The following PCDHGB2 variants were observed in gnomAD, a reference collection of about 807,000 sequenced individuals.
PCDHGB2 encodes protocadherin gamma-B2.
A neutral mutation model predicts 59.3 loss-of-function variants in PCDHGB2; 55 were observed. The observed-to-expected ratio is 0.93, with a 90% CI of 0.75 to 1.16. The LOEUF (loss-of-function observed/expected upper bound fraction) is 1.16, where lower values mean the gene tolerates loss of function less well. Among genes scored for constraint, PCDHGB2 ranks in the 50% most tolerant of loss-of-function variants. The pLI, the probability that PCDHGB2 is intolerant of heterozygous loss-of-function variation, is 0.00. For synonymous variants in PCDHGB2, 516 were observed against 512.0 expected (o/e 1.01, Z -0.11); for missense variants, 1,228 against 1,198.5 (o/e 1.02, Z -0.36).
rs747671382 is a variant in PCDHGB2 at position 141,444,152 on chromosome 5, ATTTTTTTTTTTTTTTTTTTT to A, written c.2422-50638_2422-50619del. ...GATATGTGTCACTTGTGTGTACTGG[ATTTTTTTTTTTTTTTTTTTT>A]TTTTTTTTTTTTTTTTGAGATGGAG... On this transcript the variant is annotated intron_variant, in intron 1 of 3. Transcript: ENST00000522605. 2.4e-4 allele frequency among the ~76,000 whole-genome samples: 8 copies of A among 33,898 alleles called. No homozygotes were observed. In the East Asian group the frequency reaches 3.0e-3, roughly 13 times the overall value. 22.2% of individuals were successfully genotyped at this position (33,898 alleles called of 152,430 possible). A position where few individuals can be genotyped will look rare whatever the true frequency, so the allele number is the denominator to read the frequency against.
At chr5:141,398,695 A>G (rs753760185) in intron 1 of PCDHGB2, 3 of 1,613,784 alleles carry the variant, frequency 1.9e-6, no homozygotes, top group Non-Finnish European at 2.5e-6. Flanking sequence ...GGATGGTAGT[A>G]AATACCCGGA....
intron 1 of PCDHGB2, chr5:141,372,223 A>G: frequency 6.2e-7 from 1 of 1,613,464 alleles, no homozygotes; most frequent in Non-Finnish European, 8.5e-7. Context: ...CACATTGTGC[A>G]GGCCAGCGAG....
rs2098293800 is a variant in PCDHGB2 at position 141,442,043 on chromosome 5, A to G, written c.2422-52764A>G. The G allele has an allele frequency of 1.9e-5, 4 of 205,506 alleles. No homozygotes were observed. In the South Asian group the frequency reaches 2.4e-4, roughly 12 times the overall value. The allele number at this position is 205,506 out of a possible 1,614,324, so 12.7% of individuals were successfully genotyped here. A position where few individuals can be genotyped will look rare whatever the true frequency, so the allele number is the denominator to read the frequency against. On this transcript the variant is annotated intron_variant, in intron 1 of 3. Transcript: ENST00000522605. ...ACAGGAAAGCGACTCGCCAGCGCCTACTGGTCGCGGTGCACTGCGGTGGAC... is the reference window on the plus strand; with the variant it reads ...ACAGGAAAGCGACTCGCCAGCGCCTGCTGGTCGCGGTGCACTGCGGTGGAC...
chr5:141,464,980 GATCCT>G (rs2154568684), intron 1 of PCDHGB2, among the ~76,000 whole-genome samples: 1 of 151,990 alleles, frequency 6.6e-6, no homozygotes, highest in East Asian at 1.9e-4. Flanking sequence ...GGCTTCAAGT[GATCCT>G]CCCACCTCAG....
chr5:141,473,362 C>G (rs2099320242), intron 1 of PCDHGB2, among the ~76,000 whole-genome samples: 1 of 152,166 alleles, frequency 6.6e-6, no homozygotes, highest in South Asian at 2.1e-4. Flanking sequence ...AAGTGGCCAC[C>G]AAAATAGCAT....
chr5:141,487,196 G>A lies in PCDHGB2; in HGVS notation c.2422-7611G>A. On this transcript the variant is annotated intron_variant, in intron 1 of 3. Coordinates refer to ENST00000522605, the MANE Select transcript of PCDHGB2 (RefSeq NM_018923.3). This position sits in a 1 kb window ranked among gnomAD's most constrained non-coding sequence, Gnocchi z 5.0. Reference sequence around the variant, plus strand: ...GGAAGACACTCATCCAGTTGTCCCAGATCTTCGAGAATCTTCAGCTCCAAG... The same window carrying A: ...GGAAGACACTCATCCAGTTGTCCCAAATCTTCGAGAATCTTCAGCTCCAAG... The A allele has an allele frequency of 1.2e-6, 2 of 1,613,878 alleles. No homozygotes were observed. The highest frequency in any genetic ancestry group is 8.5e-7 in the Non-Finnish European group (1 of 1,179,796).
chr5:141,485,172 CA>C lies in PCDHGB2; in HGVS notation c.2422-9633del. 6.2e-7 allele frequency: 1 copy of C among 1,610,166 alleles called. No individual in the cohort carries two copies. Among genetic ancestry groups the C allele is most frequent in the Non-Finnish European group, 8.5e-7 (1 of 1,176,940 alleles). On this transcript the variant is annotated intron_variant, in intron 1 of 3. Coordinates refer to ENST00000522605, the MANE Select transcript of PCDHGB2 (RefSeq NM_018923.3). The surrounding 1 kb of genome is among the most constrained non-coding windows in gnomAD (Gnocchi z 5.7). ...CAAGTAGAGAATTAGCGGGCGGCAG[CA>C]ATGCTCCGCAAGGTGAGAAGCTGGA...
At chr5:141,472,786 G>A (rs549389294) in intron 1 of PCDHGB2, among the ~76,000 whole-genome samples, 1 of 151,888 alleles carries the variant, frequency 6.6e-6, no homozygotes, top group Non-Finnish European at 1.5e-5. Flanking sequence ...GGGAGTTCAA[G>A]ATCAGCCTGA....
At chr5:141,452,119 TTCATATATGGC>T (rs1472213897) in intron 1 of PCDHGB2, among the ~76,000 whole-genome samples, 3 of 152,250 alleles carry the variant, frequency 2.0e-5, no homozygotes, top group African/African-American at 7.2e-5. Flanking sequence ...TTCTTATTTA[TTCATATATGGC>T]TCATGTGTTT....
chr5:141,382,040 G>T, intron 1 of PCDHGB2, among the ~76,000 whole-genome samples: 1 of 151,758 alleles, frequency 6.6e-6, no homozygotes, highest in Admixed American at 6.6e-5. Flanking sequence ...TGTTGGTCAG[G>T]CTGGTCTCAA....
At chr5:141,480,240 CAA>C (rs11374694) in intron 1 of PCDHGB2, among the ~76,000 whole-genome samples, 8 of 114,006 alleles carry the variant, frequency 7.0e-5, no homozygotes, top group Non-Finnish European at 7.5e-5. Flanking sequence ...CCTGTCTCTA[CAA>C]AAAAAAAAAA....
intron 1 of PCDHGB2, chr5:141,421,919 TG>T: frequency 6.2e-7 from 1 of 1,613,642 alleles, no homozygotes; most frequent in Non-Finnish European, 8.5e-7. Flanking sequence ...CCCATTCGTG[TG>T]GTGGTCCTCG....
At chr5:141,506,382 G>T (rs1311307230) in intron 3 of PCDHGB2, among the ~76,000 whole-genome samples, 1 of 151,500 alleles carries the variant, frequency 6.6e-6, no homozygotes, top group East Asian at 1.9e-4. Flanking sequence ...CTGGGAGGTG[G>T]CTGTGGTGAG....
At position 141,432,651 on chromosome 5, in the gene PCDHGB2, C is replaced by A; in HGVS notation, c.2422-62156C>A. 2.5e-6 allele frequency: 4 copies of A among 1,613,824 alleles called. No individual in the cohort carries two copies. The highest frequency in any genetic ancestry group is 1.1e-5 in the South Asian group (1 of 91,058). ...ACGGGCGAGGTGCGCACGGCGCGAG[C>A]CCTGCTGGACAGAGACGCGCTCAAG... On this transcript the variant is annotated intron_variant, in intron 1 of 3. Coordinates refer to ENST00000522605, the MANE Select transcript of PCDHGB2 (RefSeq NM_018923.3). This position sits in a 1 kb window ranked among gnomAD's most constrained non-coding sequence, Gnocchi z 6.0.
intron 1 of PCDHGB2, chr5:141,398,640 ACT>A (rs2093681875): frequency 1.9e-6 from 3 of 1,613,828 alleles, no homozygotes; most frequent in Non-Finnish European, 2.5e-6. Flanking sequence ...AGAAGTATAA[ACT>A]CTCTCTTAAC....
At chr5:141,437,497 T>A (rs2097889891) in intron 1 of PCDHGB2, among the ~76,000 whole-genome samples, 1 of 152,190 alleles carries the variant, frequency 6.6e-6, no homozygotes, top group Non-Finnish European at 1.5e-5. Flanking sequence ...TAGATCACTT[T>A]TCAATGAATT....
intron 1 of PCDHGB2, chr5:141,383,358 G>C (rs773383689): frequency 8.7e-6 from 14 of 1,613,864 alleles, no homozygotes; most frequent in Middle Eastern, 1.6e-4. Context: ...TTCGGTTTCC[G>C]TTAAGCGAGG....
intron 1 of PCDHGB2, among the ~76,000 whole-genome samples, chr5:141,464,022 TG>T (rs948245337): frequency 1.3e-5 from 2 of 151,716 alleles, no homozygotes; most frequent in African/African-American, 4.8e-5. Context: ...TCCCACACTT[TG>T]GGAGGCCAAG....
chr5:141,413,812 C>G (rs761118146), intron 1 of PCDHGB2: 3 of 1,613,144 alleles, frequency 1.9e-6, no homozygotes, highest in Non-Finnish European at 1.7e-6. Context: ...GGCCATTCAC[C>G]ACCTGGTCCT....
Sources: gnomAD v4.1 joint callset for allele counts (sites outside exome capture counted in the v4.1 genomes callset) on GRCh38, gnomAD v4.1.1 for gene constraint, Gnocchi (gnomAD v3.1) non-coding constraint, MANE v1.5 for transcripts, NCBI Gene and HGNC (gene_info 2026-07-23, HGNC 2026-07-21) for gene names.